The following SOX5 variants were observed in gnomAD, a reference collection of about 807,000 sequenced individuals.
SOX5 encodes the protein SRY-box transcription factor 5, also known as transcription factor SOX-5.
Under a neutral mutation model 92.0 loss-of-function variants are expected in SOX5, and 9 were observed. The ratio of observed to expected loss-of-function variants is 0.10; its 90% CI spans 0.06 to 0.17. The LOEUF (loss-of-function observed/expected upper bound fraction) is 0.17, where lower values mean the gene tolerates loss of function less well. Among genes scored for constraint, SOX5 ranks in the 10% least tolerant of loss-of-function variants. The pLI is 1.00. For synonymous variants in SOX5, 344 were observed against 336.3 expected (o/e 1.02, Z -0.25); for missense variants, 642 against 944.5 (o/e 0.68, Z 4.20).
At chr12:24,459,384 C>G (rs1399513262) in intron 1 of SOX5, among the ~76,000 whole-genome samples, 1 of 152,154 alleles carries the variant, frequency 6.6e-6, no homozygotes, top group African/African-American at 2.4e-5. Flanking sequence ...TGTAGAGTAT[C>G]TGGAAGCCTT....
At chr12:23,872,202 A>AG (rs1419007730) in intron 2 of SOX5, among the ~76,000 whole-genome samples, 54 of 100,886 alleles carry the variant, frequency 5.4e-4, no homozygotes, top group Non-Finnish European at 8.0e-4. Context: ...TTAGTAGAGA[A>AG]GGGGTTTCAC....
chr12:23,710,752 A>T (rs889767321), intron 6 of SOX5, among the ~76,000 whole-genome samples: 2 of 152,140 alleles, frequency 1.3e-5, no homozygotes, highest in African/African-American at 4.8e-5. Context: ...TTGGGTATAT[A>T]CCCAGTAATG....
chr12:24,048,772 A>G (rs987768365), intron 4 of SOX5, among the ~76,000 whole-genome samples: 14 of 152,218 alleles, frequency 9.2e-5, no homozygotes, highest in Non-Finnish European at 1.6e-4. Flanking sequence ...TATCACATAC[A>G]ATATGATTCC....
At chr12:23,616,356 C>G (rs570897365) in intron 8 of SOX5, among the ~76,000 whole-genome samples, 1 of 152,282 alleles carries the variant, frequency 6.6e-6, no homozygotes, top group African/African-American at 2.4e-5. Context: ...AAACATTTCT[C>G]CTGCTGCTTC....
At chr12:23,804,967 A>ATG (rs2095742073) in intron 3 of SOX5, among the ~76,000 whole-genome samples, 3 of 7,488 alleles carry the variant, frequency 4.0e-4, no homozygotes, top group South Asian at 8.8e-3. Flanking sequence ...ATATATATAT[A>ATG]TTCCTTTAAA....
intron 11 of SOX5, among the ~76,000 whole-genome samples, chr12:23,554,733 G>GGAAA (rs1315415203): frequency 6.6e-6 from 1 of 152,106 alleles, no homozygotes; most frequent in African/African-American, 2.4e-5. Flanking sequence ...AGATGTGATT[G>GGAAA]GAAAGATTCA....
chr12:23,872,123 G>A (rs1316875321), intron 2 of SOX5, among the ~76,000 whole-genome samples: 3 of 144,156 alleles, frequency 2.1e-5, no homozygotes, highest in East Asian at 2.0e-4. Context: ...TCAGCCTCCC[G>A]AGTAGCTGGG....
chr12:24,546,300 T>C (rs997326997), intron 1 of SOX5, among the ~76,000 whole-genome samples: 1 of 152,198 alleles, frequency 6.6e-6, no homozygotes, highest in African/African-American at 2.4e-5. Flanking sequence ...CTTCAGGAGC[T>C]AGTTTTCCAT....
intron 8 of SOX5, among the ~76,000 whole-genome samples, chr12:23,619,766 C>T (rs952966654): frequency 2.0e-5 from 3 of 152,122 alleles, no homozygotes; most frequent in Non-Finnish European, 4.4e-5. Flanking sequence ...AAAACCGCTT[C>T]AGTGTGGTTT....
intron 1 of SOX5, among the ~76,000 whole-genome samples, chr12:24,419,745 A>G (rs1024724322): frequency 6.6e-6 from 1 of 152,240 alleles, no homozygotes; most frequent in Non-Finnish European, 1.5e-5. Flanking sequence ...CATAAAGGTA[A>G]TATCTAGAAT....
intron 1 of SOX5, among the ~76,000 whole-genome samples, chr12:24,401,173 G>A (rs540907419): frequency 6.6e-6 from 1 of 152,098 alleles, no homozygotes; most frequent in East Asian, 1.9e-4. Context: ...CCAACAAGGT[G>A]AAACCCTATC....
rs374354862 is a variant in SOX5 at position 23,641,548 on chromosome 12, C to T, written c.932-651G>A. 5.9e-5 allele frequency among the ~76,000 whole-genome samples: 9 copies of T among 152,184 alleles called. No individual in the cohort carries two copies. The East Asian group carries it at 1.7e-3, about 29-fold the overall frequency. Reference sequence around the variant, plus strand: ...ACATTTTTTATCTATTAAAAAAGCACACTAATTCAAAATTAATCCTGAAGT... The same window carrying T: ...ACATTTTTTATCTATTAAAAAAGCATACTAATTCAAAATTAATCCTGAAGT... On this transcript the variant is annotated intron_variant, in intron 7 of 14. Coordinates refer to ENST00000451604, the MANE Select transcript of SOX5 (RefSeq NM_006940.6).
chr12:24,452,161 TAGAC>T (rs1359998337), intron 1 of SOX5, among the ~76,000 whole-genome samples: 1 of 152,198 alleles, frequency 6.6e-6, no homozygotes, highest in Non-Finnish European at 1.5e-5. Flanking sequence ...TGCAACTCCT[TAGAC>T]AGAAGTCCTC....
At chr12:23,623,965 C>T (rs1157157549) in intron 8 of SOX5, among the ~76,000 whole-genome samples, 1 of 151,994 alleles carries the variant, frequency 6.6e-6, no homozygotes, top group Non-Finnish European at 1.5e-5. Context: ...AATCAATAAA[C>T]AAAATGTGGT....
At chr12:24,082,808 G>A (rs1943526154) in intron 4 of SOX5, among the ~76,000 whole-genome samples, 1 of 151,404 alleles carries the variant, frequency 6.6e-6, no homozygotes, top group African/African-American at 2.4e-5. Context: ...TGAGATTTTA[G>A]TCAGGTGTCC....
At chr12:23,635,520 T>A (rs778202249) in intron 8 of SOX5, among the ~76,000 whole-genome samples, 85 of 151,702 alleles carry the variant, frequency 5.6e-4, no homozygotes, top group Middle Eastern at 3.4e-3. Flanking sequence ...CCGGGGCCTG[T>A]CGTGGGGTGG....
intron 1 of SOX5, among the ~76,000 whole-genome samples, chr12:24,524,017 T>C (rs114456795): frequency 5.6e-4 from 85 of 152,310 alleles, no homozygotes; most frequent in African/African-American, 1.9e-3. Context: ...GTCAACTTGA[T>C]TGGATTGAGG....
At chr12:24,182,156 G>A (rs1955563490) in intron 4 of SOX5, among the ~76,000 whole-genome samples, 1 of 152,180 alleles carries the variant, frequency 6.6e-6, no homozygotes, top group Admixed American at 6.5e-5. Context: ...AGGATGACAA[G>A]AGAAGGTGAT....
At chr12:24,014,877 GT>G (rs1177444944) in intron 4 of SOX5, among the ~76,000 whole-genome samples, 1 of 152,116 alleles carries the variant, frequency 6.6e-6, no homozygotes, top group Non-Finnish European at 1.5e-5. Context: ...ATTTCATTAA[GT>G]GCTTTTTGGG....
Sources: allele counts gnomAD v4.1 joint callset (sites outside exome capture counted in the v4.1 genomes callset), GRCh38; gene constraint gnomAD v4.1.1; transcripts MANE v1.5; gene names NCBI Gene and HGNC (gene_info 2026-07-23, HGNC 2026-07-21).